ANKRD36C: variants seen among roughly 807,000 people sequenced by gnomAD.
ANKRD36C encodes ankyrin repeat domain-containing protein 36C.
ANKRD36C carries 61 observed loss-of-function variants against 276.4 expected under a neutral mutation model. The ratio of observed to expected loss-of-function variants is 0.22; its 90% CI spans 0.18 to 0.27. The LOEUF is 0.27. Ranked by LOEUF, ANKRD36C falls within the 10% of genes least tolerant of loss-of-function variation. The pLI is 1.00. For synonymous variants in ANKRD36C, 483 were observed against 680.1 expected (o/e 0.71, Z 4.51); for missense variants, 1,447 against 2,032.3 (o/e 0.71, Z 5.54).
intron 6 of ANKRD36C, among the ~76,000 whole-genome samples, chr2:95,972,455 G>C (rs186440010): frequency 6.6e-6 from 1 of 152,266 alleles, no homozygotes; most frequent in Non-Finnish European, 1.5e-5. Context: ...GAGGGCTCCC[G>C]GAAGCTTGTG....
rs928617805 is a variant in ANKRD36C at position 95,912,422 on chromosome 2, T to C, written c.2565A>G (p.Lys855=). 2.5e-6 allele frequency: 4 copies of C among 1,604,758 alleles called. No individual in the cohort carries two copies. The African/African-American group carries it at 4.0e-5, about 16-fold the overall frequency. ...GTTTCATTACCTTCAAGGCTGGTTT[T>C]TTCCGAGAAGACACTGAAAAGCAAA... Residue 855 remains lysine, a synonymous_variant, in exon 41 of 67, where the codon AAA becomes AAG. Transcript: ENST00000456556.
chr2:95,964,225 A>G (rs1678540660), intron 6 of ANKRD36C, among the ~76,000 whole-genome samples: 2 of 150,984 alleles, frequency 1.3e-5, no homozygotes, highest in Admixed American at 6.6e-5. Context: ...GCAACCCAAT[A>G]TGCTAACTGA....
At chr2:95,919,704 C>G in intron 34 of ANKRD36C, 29 bp downstream of exon 36, 1 of 728,568 alleles carries the variant, frequency 1.4e-6, no homozygotes, top group South Asian at 6.1e-5. Context: ...CTGGATTGAA[C>G]ATGACATTGA....
At chr2:95,931,277 G>A (rs1048451494) in intron 24 of ANKRD36C, among the ~76,000 whole-genome samples, 6 of 151,022 alleles carry the variant, frequency 4.0e-5, no homozygotes, top group Non-Finnish European at 3.0e-5. Flanking sequence ...CTCTCCCATA[G>A]ACACTCTTTC....
At chr2:95,968,117 TG>T (rs1678629489) in intron 6 of ANKRD36C, among the ~76,000 whole-genome samples, 1 of 152,070 alleles carries the variant, frequency 6.6e-6, no homozygotes, top group South Asian at 2.1e-4. Flanking sequence ...CATGAACTTT[TG>T]TACATGCCTT....
chr2:95,912,096 G>C (rs1203608938), intron 42 of ANKRD36C, 148 bp downstream of exon 44: 11 of 1,184,478 alleles, frequency 9.3e-6, no homozygotes, highest in Non-Finnish European at 1.3e-5. Flanking sequence ...AGCAGCATCA[G>C]CATAACCCAA....
In ANKRD36C at chr2:95,893,626, A is replaced by C. The variant is rs761206890; in HGVS notation, c.2756-1766T>G. 7 of 1,588,880 alleles carry C rather than the reference A, an allele frequency of 4.4e-6. No individual in the cohort carries two copies. The East Asian group carries it at 1.6e-4, about 37-fold the overall frequency. On this transcript the variant is annotated intron_variant, in intron 44 of 66. Transcript: ENST00000456556. ...GTAGCCTGAATGGAATTTGAAATGAAATAATAAATAAAATATGTTTCATAG... is the reference window on the plus strand; with the variant it reads ...GTAGCCTGAATGGAATTTGAAATGACATAATAAATAAAATATGTTTCATAG...
At chr2:95,983,900 G>A (rs1242286963) in intron 3 of ANKRD36C, among the ~76,000 whole-genome samples, 1 of 151,784 alleles carries the variant, frequency 6.6e-6, no homozygotes, top group Non-Finnish European at 1.5e-5. Flanking sequence ...ACAGGCGTGA[G>A]CCACTGCGCT....
chr2:95,954,745 G>A (rs1424024363), intron 13 of ANKRD36C, among the ~76,000 whole-genome samples: 5 of 152,162 alleles, frequency 3.3e-5, no homozygotes, highest in African/African-American at 1.2e-4. Flanking sequence ...AAACCAGCAA[G>A]CTTAAGAACC....
intron 42 of ANKRD36C, among the ~76,000 whole-genome samples, chr2:95,908,019 C>T (rs1450132070): frequency 2.0e-5 from 3 of 150,806 alleles, no homozygotes; most frequent in African/African-American, 4.9e-5. Flanking sequence ...ATGACTTCCT[C>T]TTTTCACACC....
At chr2:95,863,545 C>A (rs1430369889) in intron 60 of ANKRD36C, among the ~76,000 whole-genome samples, 1 of 152,108 alleles carries the variant, frequency 6.6e-6, no homozygotes, top group Non-Finnish European at 1.5e-5. Flanking sequence ...AAAATTCCCT[C>A]ATGAGCACGA....
At chr2:95,864,321 C>T (rs892082669) in intron 60 of ANKRD36C, among the ~76,000 whole-genome samples, 13 of 151,696 alleles carry the variant, frequency 8.6e-5, no homozygotes, top group Non-Finnish European at 1.3e-4. Context: ...TAGGATCATC[C>T]CAACAGACAC....
chr2:95,924,451 A>C (rs1195925539), intron 30 of ANKRD36C, among the ~76,000 whole-genome samples: 1 of 151,638 alleles, frequency 6.6e-6, no homozygotes, highest in Non-Finnish European at 1.5e-5. Context: ...TTACGTTTGG[A>C]TATCAGTCCA....
chr2:95,885,086 C>T (rs1158864515), intron 52 of ANKRD36C, among the ~76,000 whole-genome samples: 1 of 152,016 alleles, frequency 6.6e-6, no homozygotes, highest in Non-Finnish European at 1.5e-5. Context: ...TTTTGACATA[C>T]TTCTACAGAG....
rs1226984489 is a variant in ANKRD36C at position 95,878,859 on chromosome 2, T to TTC, written c.3469+1567_3469+1568insGA. Among the ~76,000 whole-genome samples the TTC allele has an allele frequency of 2.6e-5, 4 of 152,098 alleles. No homozygotes were observed. The East Asian group carries it at 5.8e-4, about 22-fold the overall frequency. On this transcript the variant is annotated intron_variant, in intron 58 of 66. Transcript: ENST00000456556. ...AAGCAGAACCCTCGTACACCATTGG[T>TTC]GGCATTATGAATTAGTACAGCCACT... is the stretch of plus-strand genomic sequence containing the variant.
chr2:95,974,958 C>G (rs1015170198), intron 6 of ANKRD36C, among the ~76,000 whole-genome samples: 5 of 152,012 alleles, frequency 3.3e-5, no homozygotes, highest in African/African-American at 9.6e-5. Context: ...CCAGCTTTAT[C>G]CATGTCCCTA....
At chr2:95,891,167 T>C (rs983604711) in intron 46 of ANKRD36C, among the ~76,000 whole-genome samples, 1 of 151,454 alleles carries the variant, frequency 6.6e-6, no homozygotes, top group African/African-American at 2.4e-5. Context: ...CCCAAAATTA[T>C]ATAAAAGAAT....
At chr2:95,917,293 A>G (rs984269325) in intron 36 of ANKRD36C, among the ~76,000 whole-genome samples, 39 of 151,590 alleles carry the variant, frequency 2.6e-4, no homozygotes, top group African/African-American at 8.9e-4. Context: ...CATATTCCAA[A>G]TGCATGTGAA....
At chr2:95,981,930 C>T (rs1021869102) in intron 4 of ANKRD36C, among the ~76,000 whole-genome samples, 1 of 152,102 alleles carries the variant, frequency 6.6e-6, no homozygotes, top group African/African-American at 2.4e-5. Context: ...TCAAAAGCAT[C>T]ACATTATTAC....
Sources: gnomAD v4.1 joint callset for allele counts (sites outside exome capture counted in the v4.1 genomes callset) on GRCh38, gnomAD v4.1.1 for gene constraint, MANE v1.5 for transcripts, NCBI Gene and HGNC (gene_info 2026-07-23, HGNC 2026-07-21) for gene names.